Variants in SORCS1 observed in about 807,000 individuals in gnomAD.
SORCS1 encodes VPS10 domain-containing receptor SorCS1.
SORCS1 carries 60 observed loss-of-function variants against 146.1 expected under a neutral mutation model. The ratio of observed to expected loss-of-function variants is 0.41; its 90% CI spans 0.33 to 0.51. The LOEUF (loss-of-function observed/expected upper bound fraction) is 0.51. SORCS1 is among the 20% of genes least tolerant of loss of function. The pLI is 0.21. For synonymous variants in SORCS1, 637 were observed against 584.0 expected, an observed-to-expected ratio of 1.09 and a Z score of -1.31; for missense variants, 1,352 against 1,487.6, an observed-to-expected ratio of 0.91 and a Z score of 1.50.
At chr10:107,119,917 C>G (rs1565069952) in intron 1 of SORCS1, among the ~76,000 whole-genome samples, 1 of 152,028 alleles carries the variant, frequency 6.6e-6, no homozygotes, top group Non-Finnish European at 1.5e-5. Context: ...TGGAACTATC[C>G]GTTTACAGCC....
At chr10:106,604,604 G>A (rs945108035) in intron 23 of SORCS1, among the ~76,000 whole-genome samples, 2 of 152,074 alleles carry the variant, frequency 1.3e-5, no homozygotes, top group Admixed American at 6.6e-5. Context: ...TTCTTTTCAT[G>A]CTATAAATCT....
intron 1 of SORCS1, among the ~76,000 whole-genome samples, chr10:107,159,315 T>C (rs1969532821): frequency 6.6e-6 from 1 of 152,208 alleles, no homozygotes; most frequent in Non-Finnish European, 1.5e-5. Flanking sequence ...CCAGTATCTG[T>C]ATGAACAAAG....
At chr10:106,754,389 G>A (rs1172938372) in intron 5 of SORCS1, among the ~76,000 whole-genome samples, 3 of 152,134 alleles carry the variant, frequency 2.0e-5, no homozygotes, top group Non-Finnish European at 4.4e-5. Context: ...TGGATACAGT[G>A]GAGTCTAATA....
intron 5 of SORCS1, among the ~76,000 whole-genome samples, chr10:106,739,492 GAA>G (rs760438849): frequency 2.6e-5 from 3 of 116,098 alleles, no homozygotes; most frequent in Non-Finnish European, 1.8e-5. Flanking sequence ...GTCTCAAAAA[GAA>G]AAAAAAAAAA....
chr10:106,874,758 C>T (rs989828866), intron 2 of SORCS1, among the ~76,000 whole-genome samples: 1 of 152,042 alleles, frequency 6.6e-6, no homozygotes, highest in Non-Finnish European at 1.5e-5. Context: ...CAGTCATATG[C>T]TTATAGTTCA....
chr10:106,701,942 G>A (rs1387855608), intron 8 of SORCS1, among the ~76,000 whole-genome samples: 1 of 152,208 alleles, frequency 6.6e-6, no homozygotes, highest in Non-Finnish European at 1.5e-5. Flanking sequence ...AGTTAAGTGA[G>A]CCCTTACATC....
At chr10:107,084,781 C>T (rs2134263948) in intron 1 of SORCS1, among the ~76,000 whole-genome samples, 1 of 152,194 alleles carries the variant, frequency 6.6e-6, no homozygotes, top group East Asian at 1.9e-4. Flanking sequence ...TTCTACAAAA[C>T]CACAAATACT....
intron 3 of SORCS1, among the ~76,000 whole-genome samples, chr10:106,785,514 C>T (rs78316728): frequency 0.01 from 1,578 of 152,168 alleles, 25 homozygotes; most frequent in African/African-American, 0.035. Context: ...ATTTCATGGA[C>T]TCAATTATAA....
At chr10:106,955,216 C>A (rs1479116005) in intron 2 of SORCS1, among the ~76,000 whole-genome samples, 3 of 152,220 alleles carry the variant, frequency 2.0e-5, no homozygotes, top group Non-Finnish European at 4.4e-5. Flanking sequence ...TGCTGTAACA[C>A]CCCCTTTGCA....
rs546913080 is a variant in SORCS1, at chr10:106,744,186, G to C, written c.960-14072C>G. On this transcript the variant is annotated intron_variant, in intron 5 of 25. Coordinates refer to ENST00000263054, the MANE Select transcript of SORCS1 (RefSeq NM_052918.5). ...GTGGCGCGATCTCAGCTCACTGCAA[G>C]CTCCACCTCCTGGGTTCACGCCATT... Among the ~76,000 whole-genome samples, 3 of 152,164 alleles carry C rather than the reference G, an allele frequency of 2.0e-5. No individual in the cohort carries two copies. The East Asian group carries it at 5.8e-4, about 29-fold the overall frequency.
At chr10:106,996,882 TG>T (rs931964340) in intron 1 of SORCS1, among the ~76,000 whole-genome samples, 2 of 151,862 alleles carry the variant, frequency 1.3e-5, no homozygotes, top group African/African-American at 4.9e-5. Flanking sequence ...GTAATATCCA[TG>T]TTTTTTTTTC....
intron 5 of SORCS1, among the ~76,000 whole-genome samples, chr10:106,748,268 C>G (rs1857894144): frequency 6.6e-6 from 1 of 152,152 alleles, no homozygotes; most frequent in Non-Finnish European, 1.5e-5. Context: ...CTCCGTGCCA[C>G]ATTTTGCTAA....
intron 2 of SORCS1, among the ~76,000 whole-genome samples, chr10:106,867,901 G>T (rs977724344): frequency 3.3e-5 from 5 of 152,142 alleles, no homozygotes; most frequent in African/African-American, 1.2e-4. Context: ...CCACTTTAAA[G>T]GCACAGAGTG....
Position 107,059,188 on chromosome 10 carries a change from G to T in SORCS1, c.559-102608C>A, listed in dbSNP as rs755364996. Among the ~76,000 whole-genome samples, 2 of 152,196 alleles carry T rather than the reference G, an allele frequency of 1.3e-5. 1 individual carries two copies. Among genetic ancestry groups the T allele is most frequent in the South Asian group, 4.2e-4 (2 of 4,818 alleles). On this transcript the variant is annotated intron_variant, in intron 1 of 25. Transcript: ENST00000263054. ...TGTTGTTTTCTCACTAGAACCTAGGGTTACAAGCAGGCCAGCCAACAAGCT... is the reference window on the plus strand; with the variant it reads ...TGTTGTTTTCTCACTAGAACCTAGGTTTACAAGCAGGCCAGCCAACAAGCT...
At chr10:106,644,180 A>G (rs916287791) in intron 18 of SORCS1, among the ~76,000 whole-genome samples, 1 of 152,122 alleles carries the variant, frequency 6.6e-6, no homozygotes, top group Non-Finnish European at 1.5e-5. Context: ...CTTTTTGTTG[A>G]GTAAAATATA....
At chr10:107,082,233 G>C (rs1963384335) in intron 1 of SORCS1, among the ~76,000 whole-genome samples, 1 of 152,132 alleles carries the variant, frequency 6.6e-6, no homozygotes, top group Admixed American at 6.5e-5. Context: ...GCCCTCAGAG[G>C]CTCTGAGGTG....
intron 2 of SORCS1, among the ~76,000 whole-genome samples, chr10:106,852,635 A>G (rs994244047): frequency 4.6e-5 from 7 of 151,336 alleles, no homozygotes; most frequent in African/African-American, 1.7e-4. Flanking sequence ...CTCAAAAAAA[A>G]AAAAAAAAAA....
chr10:106,902,080 A>G (rs539309034), intron 2 of SORCS1, among the ~76,000 whole-genome samples: 1 of 152,232 alleles, frequency 6.6e-6, no homozygotes, highest in African/African-American at 2.4e-5. Context: ...TTCTATCACA[A>G]TATTAGCAAA....
At chr10:106,900,832 A>G (rs1048290023) in intron 2 of SORCS1, among the ~76,000 whole-genome samples, 1 of 152,248 alleles carries the variant, frequency 6.6e-6, no homozygotes. Flanking sequence ...GTAGGAATTC[A>G]TATCATCCTT....
Sources: gnomAD v4.1 joint callset for allele counts (sites outside exome capture counted in the v4.1 genomes callset) on GRCh38, gnomAD v4.1.1 for gene constraint, MANE v1.5 for transcripts, NCBI Gene and HGNC (gene_info 2026-07-23, HGNC 2026-07-21) for gene names.